SLC39A9: variants seen among roughly 807,000 people sequenced by gnomAD.
SLC39A9 encodes the protein zinc transporter ZIP9.
Under a neutral mutation model 28.4 loss-of-function variants are expected in SLC39A9, and 14 were observed. The ratio of observed to expected loss-of-function variants is 0.49; its 90% CI spans 0.33 to 0.77. The LOEUF is 0.77. SLC39A9 is among the 30% of genes least tolerant of loss of function. The probability of loss-of-function intolerance (pLI) is 0.02; values close to 1 mark genes in which losing one functional copy is unlikely to be tolerated. For synonymous variants in SLC39A9, 119 were observed against 149.6 expected, an observed-to-expected ratio of 0.80 and a Z score of 1.49; for missense variants, 283 against 381.1, an observed-to-expected ratio of 0.74 and a Z score of 2.14.
At chr14:69,453,352 C>T (rs999950612) in intron 4 of SLC39A9, 43 bp downstream of exon 4, 2 of 1,554,380 alleles carry the variant, frequency 1.3e-6, no homozygotes, top group African/African-American at 2.7e-5. Context: ...TTCTATCGCA[C>T]AGGGGAGACC....
chr14:69,461,729 G>A lies in SLC39A9; in HGVS notation c.*3136G>A, dbSNP rs1175225431. The A allele has an allele frequency of 3.9e-6, 6 of 1,535,946 alleles. No homozygotes were observed. Among genetic ancestry groups the A allele is most frequent in the Admixed American group, 3.9e-5 (2 of 50,988 alleles). On this transcript the variant is annotated 3_prime_UTR_variant, in exon 7 of 7. Transcript: ENST00000336643. ...ACTAAGAGGACACACCAGCATCGGA[G>A]TGTATTAAGCCCCTGAAACACATGG...
intron 1 of SLC39A9, among the ~76,000 whole-genome samples, chr14:69,412,649 T>C (rs1359168095): frequency 2.0e-5 from 3 of 152,150 alleles, no homozygotes; most frequent in African/African-American, 7.2e-5. Context: ...TTTAATTCAT[T>C]CTTTCAATAA....
upstream of SLC39A9, chr14:69,398,662 G>A (rs1397449356): frequency 1.6e-5 from 4 of 255,948 alleles, no homozygotes; most frequent in Non-Finnish European, 3.1e-5. Context: ...AAAGGAGGGG[G>A]TGGTTAGACA....
chr14:69,409,912 A>C (rs1258744080), intron 1 of SLC39A9, among the ~76,000 whole-genome samples: 1 of 152,200 alleles, frequency 6.6e-6, no homozygotes, highest in Non-Finnish European at 1.5e-5. Context: ...ATTCTCACAA[A>C]CATTATCATT....
At chr14:69,438,024 C>CT (rs374673006) in intron 2 of SLC39A9, among the ~76,000 whole-genome samples, 26,728 of 140,264 alleles carry the variant, frequency 0.19, 2,651 homozygotes, top group African/African-American at 0.25. Flanking sequence ...TTCCCTTACC[C>CT]TTTTTTTTTT....
chr14:69,424,261 G>A, intron 2 of SLC39A9, 59 bp downstream of exon 2: 1 of 1,265,910 alleles, frequency 7.9e-7, no homozygotes, highest in Non-Finnish European at 1.1e-6. Context: ...TTAGCAGGAT[G>A]AAGCTTAGTG....
intron 1 of SLC39A9, among the ~76,000 whole-genome samples, chr14:69,401,610 A>G (rs1424680541): frequency 3.3e-5 from 5 of 152,152 alleles, no homozygotes; most frequent in African/African-American, 4.8e-5. Flanking sequence ...GATATATACT[A>G]TTTCCTTTTT....
intron 2 of SLC39A9, among the ~76,000 whole-genome samples, chr14:69,425,209 C>G (rs1453610891): frequency 6.6e-6 from 1 of 152,172 alleles, no homozygotes; most frequent in Non-Finnish European, 1.5e-5. Flanking sequence ...GAATGATTTA[C>G]ATGCACTATT....
intron 2 of SLC39A9, among the ~76,000 whole-genome samples, chr14:69,438,732 TA>T (rs1163815487): frequency 6.6e-6 from 1 of 152,238 alleles, no homozygotes; most frequent in Non-Finnish European, 1.5e-5. Context: ...GAAGGTAGAC[TA>T]TTGGGTCAAA....
intron 1 of SLC39A9, among the ~76,000 whole-genome samples, chr14:69,410,775 T>A (rs1883219348): frequency 6.6e-6 from 1 of 152,104 alleles, no homozygotes; most frequent in South Asian, 2.1e-4. Context: ...ATCTCTTCAG[T>A]GCCTAAAACT....
chr14:69,425,228 T>G (rs535561400), intron 2 of SLC39A9, among the ~76,000 whole-genome samples: 2 of 152,336 alleles, frequency 1.3e-5, no homozygotes, highest in East Asian at 3.9e-4. Flanking sequence ...TTGCACTGAT[T>G]TAATGTGTAC....
intron 1 of SLC39A9, among the ~76,000 whole-genome samples, chr14:69,405,346 T>C (rs1449661193): frequency 6.6e-6 from 1 of 152,246 alleles, no homozygotes; most frequent in Non-Finnish European, 1.5e-5. Context: ...CTCTTTGAAG[T>C]AGATTTAACA....
intron 1 of SLC39A9, among the ~76,000 whole-genome samples, chr14:69,406,142 C>G (rs931820673): frequency 2.6e-5 from 4 of 151,858 alleles, no homozygotes; most frequent in Admixed American, 2.6e-4. Flanking sequence ...TTAGGAACAT[C>G]TTTCATACCT....
chr14:69,400,513 A>G (rs1426645048), intron 1 of SLC39A9, among the ~76,000 whole-genome samples: 1 of 152,232 alleles, frequency 6.6e-6, no homozygotes, highest in African/African-American at 2.4e-5. Flanking sequence ...AGGGAACAAG[A>G]TTTCATGAGT....
In SLC39A9 at chr14:69,459,332, C is replaced by A; in HGVS notation, c.*739C>A. The A allele has an allele frequency of 1.0e-6, 1 of 985,444 alleles. No individual in the cohort carries two copies. The highest frequency in any genetic ancestry group is 1.2e-6 in the Non-Finnish European group (1 of 829,944). The allele number at this position is 985,444 out of a possible 1,614,324, so 61.0% of individuals were successfully genotyped here. On this transcript the variant is annotated 3_prime_UTR_variant, in exon 7 of 7. Coordinates refer to ENST00000336643, the MANE Select transcript of SLC39A9 (RefSeq NM_018375.5). ...GAGGTGACTGGTATTTTGTAGCATTCCTTGTCAAGTTCTCCTTTGCAGAAT... is the reference window on the plus strand; with the variant it reads ...GAGGTGACTGGTATTTTGTAGCATTACTTGTCAAGTTCTCCTTTGCAGAAT...
rs1198803787 is a variant in SLC39A9, at chr14:69,459,199, GA to G, written c.*610del. ...TTTATACTCAAAAGAGATATCCATT[GA>G]AAAGGGATGTCTAGAGGGATTTAAA... On this transcript the variant is annotated 3_prime_UTR_variant, in exon 7 of 7. Transcript: ENST00000336643. 15 of 985,444 alleles carry G rather than the reference GA, an allele frequency of 1.5e-5. No individual in the cohort carries two copies. Among genetic ancestry groups the G allele is most frequent in the African/African-American group, 1.7e-5 (1 of 57,240 alleles). 61.0% of individuals were successfully genotyped at this position (985,444 alleles called of 1,614,324 possible). A position where few individuals can be genotyped will look rare whatever the true frequency, so the allele number is the denominator to read the frequency against.
intron 1 of SLC39A9, among the ~76,000 whole-genome samples, chr14:69,408,870 AG>A (rs556005579): frequency 1.3e-5 from 2 of 152,296 alleles, no homozygotes; most frequent in East Asian, 3.9e-4. Context: ...CACTTAGTAG[AG>A]GGGAAAACAT....
intron 2 of SLC39A9, among the ~76,000 whole-genome samples, chr14:69,440,830 T>C (rs957867091): frequency 5.3e-5 from 8 of 152,250 alleles, no homozygotes; most frequent in Admixed American, 1.3e-4. Flanking sequence ...CGCGCCACCG[T>C]GCCCAGCTAG....
intron 1 of SLC39A9, among the ~76,000 whole-genome samples, chr14:69,405,781 CTT>C (rs1882880967): frequency 6.6e-6 from 1 of 152,096 alleles, no homozygotes; most frequent in African/African-American, 2.4e-5. Context: ...TCCTGAAAAA[CTT>C]TGTTTTCTCC....
Sources: allele counts gnomAD v4.1 joint callset (sites outside exome capture counted in the v4.1 genomes callset), GRCh38; gene constraint gnomAD v4.1.1; transcripts MANE v1.5; gene names NCBI Gene and HGNC (gene_info 2026-07-23, HGNC 2026-07-21).